Variants in STK16 observed in about 807,000 individuals in gnomAD.
STK16 encodes serine/threonine-protein kinase 16.
In STK16, 28 loss-of-function variants were observed where a neutral mutation model predicts 37.8. The observed-to-expected ratio is 0.74, with a 90% CI of 0.55 to 1.02. The LOEUF is 1.02. Ranked by LOEUF, STK16 falls within the 50% of genes least tolerant of loss-of-function variation. STK16 has a pLI of 0.00. For missense variants in STK16, 349 were observed against 390.6 expected (o/e 0.89, Z 0.90); for synonymous variants, 134 against 155.0 (o/e 0.86, Z 1.01).
At position 219,248,909 on chromosome 2, in the gene STK16, C is replaced by A. The variant is rs770898261; in HGVS notation, c.*350C>A. 16 of 200,230 alleles carry A rather than the reference C, an allele frequency of 8.0e-5. No individual in the cohort carries two copies. Among genetic ancestry groups the A allele is most frequent in the Non-Finnish European group, 1.5e-4 (15 of 97,112 alleles). The allele number at this position is 200,230 out of a possible 1,614,324, so 12.4% of individuals were successfully genotyped here. On this transcript the variant is annotated 3_prime_UTR_variant, in exon 8 of 8. Transcript: ENST00000396738. ...AAAGTGGAAGCAGGTTGGTGTAGAT[C>A]TTAGTCTCAGTGTTCCTGGAGTGAG...
chr2:219,250,326 T>C lies in STK16; in HGVS notation c.*1767T>C. ...TTTCGAAAGGATTTTGCAATAAACA[T>C]AGTGAATAGGCTCCAGGCAGCTGCT... On this transcript the variant is annotated 3_prime_UTR_variant, in exon 8 of 8. Coordinates refer to ENST00000396738, the MANE Select transcript of STK16 (RefSeq NM_001330213.2). This position sits in a 1 kb window ranked among gnomAD's most constrained non-coding sequence, Gnocchi z 8.4. 6.3e-7 allele frequency: 1 copy of C among 1,580,794 alleles called. No homozygotes were observed. Among genetic ancestry groups the C allele is most frequent in the South Asian group, 1.1e-5 (1 of 87,678 alleles).
Position 219,248,653 on chromosome 2 carries a change from T to G in STK16, c.*94T>G. On this transcript the variant is annotated 3_prime_UTR_variant, in exon 8 of 8. Transcript: ENST00000396738. Reference sequence around the variant, plus strand: ...CCACCCATTCCATCCAGGACTTCTCTTACACTTGGGGGTAGCGGGGTCAGG... The same window carrying G: ...CCACCCATTCCATCCAGGACTTCTCGTACACTTGGGGGTAGCGGGGTCAGG... 1 of 1,485,386 alleles carries G rather than the reference T, an allele frequency of 6.7e-7. No homozygotes were observed. The highest frequency in any genetic ancestry group is 9.1e-7 in the Non-Finnish European group (1 of 1,099,794). The allele number at this position is 1,485,386 out of a possible 1,614,324, so 92.0% of individuals were successfully genotyped here. A position where few individuals can be genotyped will look rare whatever the true frequency, so the allele number is the denominator to read the frequency against.
chr2:219,246,148 G>T lies in STK16; in HGVS notation c.86+63G>T. 1 of 1,439,802 alleles carries T rather than the reference G, an allele frequency of 6.9e-7. No individual in the cohort carries two copies. The highest frequency in any genetic ancestry group is 2.3e-5 in the East Asian group (1 of 43,750). The allele number at this position is 1,439,802 out of a possible 1,614,324, so 89.2% of individuals were successfully genotyped here. Reference sequence around the variant, plus strand: ...TATGATCATTGAAGGACAGCGGTGTGCATATGCTTGGGGCACAAGGGTTTT... The same window carrying T: ...TATGATCATTGAAGGACAGCGGTGTTCATATGCTTGGGGCACAAGGGTTTT... On this transcript the variant is annotated intron_variant, in intron 2 of 7. Transcript: ENST00000396738. The surrounding 1 kb of genome is among the most constrained non-coding windows in gnomAD (Gnocchi z 4.5).
chr2:219,248,116 T>C, intron 6 of STK16, 77 bp from the exon 7 acceptor site: 3 of 1,582,722 alleles, frequency 1.9e-6, no homozygotes, highest in Non-Finnish European at 2.6e-6. Context: ...TTATGGAGTC[T>C]CCTTTTACCA....
In STK16 at chr2:219,248,673, G is replaced by T. The variant is rs528141735; in HGVS notation, c.*114G>T. 408 of 1,362,094 alleles carry T rather than the reference G, an allele frequency of 3.0e-4. No homozygotes were observed. Among genetic ancestry groups the T allele is most frequent in the Non-Finnish European group, 3.9e-4 (395 of 1,003,684 alleles). 84.4% of individuals were successfully genotyped at this position (1,362,094 alleles called of 1,614,324 possible). On this transcript the variant is annotated 3_prime_UTR_variant, in exon 8 of 8. Transcript: ENST00000396738. ...TTCTCTTACACTTGGGGGTAGCGGGGTCAGGACAATCATCTCAGTCCTGCA... is the reference window on the plus strand; with the variant it reads ...TTCTCTTACACTTGGGGGTAGCGGGTTCAGGACAATCATCTCAGTCCTGCA...
Position 219,247,532 on chromosome 2 carries a change from G to C in STK16, c.558G>C (p.Leu186=). 6.2e-7 allele frequency: 1 copy of C among 1,614,232 alleles called. No homozygotes were observed. Among genetic ancestry groups the C allele is most frequent in the African/African-American group, 1.3e-5 (1 of 75,060 alleles). Reference sequence around the variant, plus strand: ...AGGGCTCCCGCCAGGCTCTGACCCTGCAGGTAAAAGAGTCTCCAGGTTCCT... The same window carrying C: ...AGGGCTCCCGCCAGGCTCTGACCCTCCAGGTAAAAGAGTCTCCAGGTTCCT... The part of the protein sequence containing the change: ...HVEGSRQALT[L]QDWAAQRCTI... Residue 186 remains leucine, a synonymous_variant, in exon 5 of 8, where the codon CTG becomes CTC. Transcript: ENST00000396738.
In STK16 at chr2:219,247,493, A is replaced by G. The variant is rs569546051; in HGVS notation, c.519A>G (p.Ala173=). The change falls in exon 5 of 8, where the codon GCA becomes GCG. Residue 173 remains alanine (A), a synonymous_variant. Coordinates refer to ENST00000396738, the MANE Select transcript of STK16 (RefSeq NM_001330213.2). ...VLMDLGSMNQ[A]CIHVEGSRQA... ...TGGACTTGGGTTCCATGAATCAAGC[A>G]TGCATCCATGTGGAGGGCTCCCGCC... is the stretch of plus-strand genomic sequence containing the variant. 9.4e-5 allele frequency: 151 copies of G among 1,614,248 alleles called. No homozygotes were observed. Among genetic ancestry groups the G allele is most frequent in the Non-Finnish European group, 1.2e-4 (145 of 1,180,042 alleles).
rs1384259278 is a variant in STK16, at chr2:219,245,712, C to G, written c.-189C>G. On this transcript the variant is annotated 5_prime_UTR_variant, in exon 1 of 8. Transcript: ENST00000396738. The stretch of plus-strand genomic sequence containing the variant: ...GGGTTGGAGGAAGTGGCCCGGTAGC[C>G]GCTGTGTGTCCTGAGGCCGTAAGGC... 8.2e-6 allele frequency: 2 copies of G among 243,334 alleles called. No individual in the cohort carries two copies. Among genetic ancestry groups the G allele is most frequent in the Non-Finnish European group, 1.6e-5 (2 of 124,496 alleles). 15.1% of individuals were successfully genotyped at this position (243,334 alleles called of 1,614,324 possible).
In STK16 at chr2:219,245,514, C is replaced by G. The variant is rs1390982620; in HGVS notation, c.-387C>G. On this transcript the variant is annotated 5_prime_UTR_variant, in exon 1 of 8. Transcript: ENST00000396738. Reference sequence around the variant, plus strand: ...CCGGTCGGTGGCGCTTCTCTCTGGCCCGAGCCAGGTCAGTCCGGCAGTGCA... The same window carrying G: ...CCGGTCGGTGGCGCTTCTCTCTGGCGCGAGCCAGGTCAGTCCGGCAGTGCA... 1 of 153,224 alleles carries G rather than the reference C, an allele frequency of 6.5e-6. No homozygotes were observed. The highest frequency in any genetic ancestry group is 2.4e-5 in the African/African-American group (1 of 41,456). 9.5% of individuals were successfully genotyped at this position (153,224 alleles called of 1,614,324 possible).
In STK16 at chr2:219,248,412, C is replaced by T. The variant is rs780761064; in HGVS notation, c.780-9C>T. On this transcript the variant is annotated splice_polypyrimidine_tract_variant and intron_variant, in intron 7 of 7. Coordinates refer to ENST00000396738, the MANE Select transcript of STK16 (RefSeq NM_001330213.2). ...GTCATCCGGTCACCCTGGGCTCCTC[C>T]CTCCACAGGCATTCTTCAGCATTGC... The T allele has an allele frequency of 6.2e-7, 1 of 1,613,346 alleles. No homozygotes were observed.
intron 3 of STK16, 97 bp from the exon 4 acceptor site, chr2:219,247,016 A>T: frequency 6.4e-7 from 1 of 1,570,524 alleles, no homozygotes; most frequent in South Asian, 1.2e-5. Flanking sequence ...GGTGTGTATC[A>T]TGAAAGGGCT....
At chr2:219,247,062 G>A (rs1459683992) in intron 3 of STK16, 51 bp from the exon 4 acceptor site, 4 of 1,612,048 alleles carry the variant, frequency 2.5e-6, no homozygotes, top group Non-Finnish European at 3.4e-6. Context: ...TCAGGCCTAA[G>A]GAGCAGAGGC....
Position 219,248,635 on chromosome 2 carries a change from T to C in STK16, c.*76T>C, listed in dbSNP as rs1951590934. On this transcript the variant is annotated 3_prime_UTR_variant, in exon 8 of 8. Coordinates refer to ENST00000396738, the MANE Select transcript of STK16 (RefSeq NM_001330213.2). ...CATCCCTCATTGGAATCACCACCCATTCCATCCAGGACTTCTCTTACACTT... is the reference window on the plus strand; with the variant it reads ...CATCCCTCATTGGAATCACCACCCACTCCATCCAGGACTTCTCTTACACTT... The C allele has an allele frequency of 2.0e-6, 3 of 1,529,260 alleles. No homozygotes were observed. The African/African-American group carries it at 4.1e-5, about 21-fold the overall frequency. The allele number at this position is 1,529,260 out of a possible 1,614,324, so 94.7% of individuals were successfully genotyped here. A position where few individuals can be genotyped will look rare whatever the true frequency, so the allele number is the denominator to read the frequency against.
intron 4 of STK16, 78 bp downstream of exon 4, chr2:219,247,324 C>T: frequency 6.2e-7 from 1 of 1,609,256 alleles, no homozygotes; most frequent in Non-Finnish European, 8.5e-7. Context: ...TCTCTGTTCT[C>T]CCAAGAAACA....
intron 5 of STK16, 50 bp downstream of exon 5, chr2:219,247,585 C>G: frequency 6.2e-7 from 1 of 1,614,188 alleles, no homozygotes; most frequent in Non-Finnish European, 8.5e-7. Context: ...ATTCCCACCC[C>G]TTCTGGTGCA....
In STK16 at chr2:219,250,146, C is replaced by G; in HGVS notation, c.*1587C>G. 1 of 749,186 alleles carries G rather than the reference C, an allele frequency of 1.3e-6. No individual in the cohort carries two copies. The highest frequency in any genetic ancestry group is 1.8e-5 in the South Asian group (1 of 56,336). 46.4% of individuals were successfully genotyped at this position (749,186 alleles called of 1,614,324 possible). On this transcript the variant is annotated 3_prime_UTR_variant, in exon 8 of 8. Transcript: ENST00000396738. This position sits in a 1 kb window ranked among gnomAD's most constrained non-coding sequence, Gnocchi z 8.4. Reference sequence around the variant, plus strand: ...TTTAAAGTCCCTGGGGTTATGCTTCCTGGGCCTGGCAAGAACCCCTTTGCA... The same window carrying G: ...TTTAAAGTCCCTGGGGTTATGCTTCGTGGGCCTGGCAAGAACCCCTTTGCA...
Position 219,246,164 on chromosome 2 carries a change from C to G in STK16, c.86+79C>G. 1 of 1,286,772 alleles carries G rather than the reference C, an allele frequency of 7.8e-7. No homozygotes were observed. Among genetic ancestry groups the G allele is most frequent in the East Asian group, 2.4e-5 (1 of 42,340 alleles). The allele number at this position is 1,286,772 out of a possible 1,614,324, so 79.7% of individuals were successfully genotyped here. ...CAGCGGTGTGCATATGCTTGGGGCACAAGGGTTTTATCCCTATCCCTGTCC... is the reference window on the plus strand; with the variant it reads ...CAGCGGTGTGCATATGCTTGGGGCAGAAGGGTTTTATCCCTATCCCTGTCC... On this transcript the variant is annotated intron_variant, in intron 2 of 7. Coordinates refer to ENST00000396738, the MANE Select transcript of STK16 (RefSeq NM_001330213.2). This position sits in a 1 kb window ranked among gnomAD's most constrained non-coding sequence, Gnocchi z 4.5.
At position 219,249,739 on chromosome 2, in the gene STK16, C is replaced by CCCCA. The variant is rs1440102230; in HGVS notation, c.*1181_*1184dup. ...GATGACCTGACTTTTAATGGCACAGCCCCAGCTCCAGCAAAGCAGCAAGAC... is the reference window on the plus strand; with the variant it reads ...GATGACCTGACTTTTAATGGCACAGCCCCACCCAGCTCCAGCAAAGCAGCAAGAC... On this transcript the variant is annotated 3_prime_UTR_variant, in exon 8 of 8. Coordinates refer to ENST00000396738, the MANE Select transcript of STK16 (RefSeq NM_001330213.2). The CCCCA allele has an allele frequency of 6.5e-6, 1 of 152,830 alleles. No homozygotes were observed. The highest frequency in any genetic ancestry group is 1.5e-5 in the Non-Finnish European group (1 of 68,522). 9.5% of individuals were successfully genotyped at this position (152,830 alleles called of 1,614,324 possible).
rs1049884581 is a variant in STK16, at chr2:219,250,226, C to G, written c.*1667C>G. On this transcript the variant is annotated 3_prime_UTR_variant, in exon 8 of 8. Coordinates refer to ENST00000396738, the MANE Select transcript of STK16 (RefSeq NM_001330213.2). The surrounding 1 kb of genome is among the most constrained non-coding windows in gnomAD (Gnocchi z 8.4). ...GGGTCATGAACAGCAAACAGAGCAG[C>G]AGCAGCATGAAGGGGAAGGCAGCAG... is the stretch of plus-strand genomic sequence containing the variant. 29 of 1,351,948 alleles carry G rather than the reference C, an allele frequency of 2.1e-5. No individual in the cohort carries two copies. The highest frequency in any genetic ancestry group is 3.0e-5 in the Non-Finnish European group (29 of 982,420). 83.7% of individuals were successfully genotyped at this position (1,351,948 alleles called of 1,614,324 possible).
Sources: allele counts gnomAD v4.1 joint callset, GRCh38; gene constraint gnomAD v4.1.1; non-coding constraint Gnocchi (gnomAD v3.1); transcripts MANE v1.5; gene names NCBI Gene and HGNC (gene_info 2026-07-23, HGNC 2026-07-21).